Variants in SBF2 observed in about 807,000 individuals in gnomAD.
The protein encoded by SBF2 is SET binding factor 2.
SBF2 carries 112 observed loss-of-function variants against 225.2 expected under a neutral mutation model. That is an observed-to-expected ratio of 0.50 (90% CI 0.43 to 0.58). SBF2 has a LOEUF of 0.58. Ranked by LOEUF, SBF2 falls within the 20% of genes least tolerant of loss-of-function variation. The pLI, the probability that SBF2 is intolerant of heterozygous loss-of-function variation, is 0.00. For missense variants in SBF2, 1,996 were observed against 2,206.2 expected, an observed-to-expected ratio of 0.90 and a Z score of 1.91; for synonymous variants, 763 against 773.3, an observed-to-expected ratio of 0.99 and a Z score of 0.22.
intron 1 of SBF2, among the ~76,000 whole-genome samples, chr11:10,196,866 A>ATATATATATATATATATTTTT: frequency 8.1e-5 from 8 of 99,300 alleles, no homozygotes; most frequent in African/African-American, 1.6e-4. Flanking sequence ...ATATATATAT[A>ATATATATATATATATATTTTT]TTTTTTTTTT....
rs148050493 is a variant in SBF2, at chr11:10,161,507, T to C, written c.141+32395A>G. Among the ~76,000 whole-genome samples, 25 of 152,308 alleles carry C rather than the reference T, an allele frequency of 1.6e-4. No homozygotes were observed. In the East Asian group the frequency reaches 4.4e-3, roughly 27 times the overall value. ...TAAGAACTCTCCATATTGGATAATA[T>C]GGGAGAGACGGCTGGCTGTTCACCA... On this transcript the variant is annotated intron_variant, in intron 2 of 39. Transcript: ENST00000256190.
At chr11:10,106,420 A>G (rs1432227758) in intron 2 of SBF2, among the ~76,000 whole-genome samples, 2 of 152,178 alleles carry the variant, frequency 1.3e-5, no homozygotes, top group Non-Finnish European at 1.5e-5. Flanking sequence ...TGAGGTCAGG[A>G]GTTCGAGAAC....
At chr11:10,231,277 C>T (rs4553358) in intron 1 of SBF2, among the ~76,000 whole-genome samples, 60,082 of 151,934 alleles carry the variant, frequency 0.4, 12,934 homozygotes, top group Non-Finnish European at 0.48. Context: ...TACCTCGGAG[C>T]AGTTTGATCT....
At chr11:10,268,926 A>G (rs1450616081) in intron 1 of SBF2, among the ~76,000 whole-genome samples, 1 of 152,194 alleles carries the variant, frequency 6.6e-6, no homozygotes, top group Non-Finnish European at 1.5e-5. Context: ...ATCTCTCTGA[A>G]CCAGCCCCTT....
At chr11:10,151,559 AG>A (rs1955194651) in intron 2 of SBF2, among the ~76,000 whole-genome samples, 1 of 152,252 alleles carries the variant, frequency 6.6e-6, no homozygotes, top group Non-Finnish European at 1.5e-5. Flanking sequence ...TGACAAATGT[AG>A]GAAATCAGAA....
intron 16 of SBF2, among the ~76,000 whole-genome samples, chr11:9,931,031 G>C (rs1189913951): frequency 2.0e-5 from 3 of 152,266 alleles, no homozygotes; most frequent in African/African-American, 4.8e-5. Flanking sequence ...TGAACTTTGA[G>C]GTGGCAGCCT....
At chr11:10,224,546 C>G (rs75279336) in intron 1 of SBF2, among the ~76,000 whole-genome samples, 2,388 of 152,266 alleles carry the variant, frequency 0.016, 36 homozygotes, top group Middle Eastern at 0.037. Context: ...GCCTCAATGT[C>G]ACCCACTATA....
At chr11:10,067,191 C>T (rs1050172597) in intron 2 of SBF2, among the ~76,000 whole-genome samples, 2 of 152,096 alleles carry the variant, frequency 1.3e-5, no homozygotes, top group African/African-American at 4.8e-5. Context: ...TTACAAAACA[C>T]TGCTGAGGAA....
At chr11:10,006,074 A>C (rs955808411) in intron 6 of SBF2, among the ~76,000 whole-genome samples, 2 of 152,112 alleles carry the variant, frequency 1.3e-5, no homozygotes, top group Non-Finnish European at 1.5e-5. Context: ...TTTTCAACTC[A>C]AATTGGCTCT....
intron 2 of SBF2, among the ~76,000 whole-genome samples, chr11:10,067,369 G>GT (rs759714430): frequency 1.1e-4 from 16 of 151,940 alleles, no homozygotes; most frequent in African/African-American, 3.6e-4. Context: ...TTGTGTGTTT[G>GT]TTTTTTTGAG....
chr11:10,020,160 T>C (rs1177869870), intron 6 of SBF2, among the ~76,000 whole-genome samples: 2 of 152,074 alleles, frequency 1.3e-5, no homozygotes, highest in Non-Finnish European at 2.9e-5. Context: ...AAGATAGAAA[T>C]ACCTGAAATT....
intron 6 of SBF2, among the ~76,000 whole-genome samples, chr11:10,010,933 C>A (rs982170749): frequency 2.0e-5 from 3 of 152,080 alleles, no homozygotes; most frequent in Non-Finnish European, 4.4e-5. Context: ...GTTTGTAGTT[C>A]TCCTTGAAGA....
intron 34 of SBF2, among the ~76,000 whole-genome samples, chr11:9,789,715 A>C (rs1369613914): frequency 6.6e-6 from 1 of 152,094 alleles, no homozygotes; most frequent in African/African-American, 2.4e-5. Flanking sequence ...CTTAACATGA[A>C]TCATTATGTA....
At chr11:10,180,068 T>C (rs1565325622) in intron 2 of SBF2, among the ~76,000 whole-genome samples, 1 of 152,218 alleles carries the variant, frequency 6.6e-6, no homozygotes, top group Non-Finnish European at 1.5e-5. Context: ...TGTATATGTC[T>C]TGAAAAGTCC....
chr11:10,127,039 G>A (rs909777515), intron 2 of SBF2, among the ~76,000 whole-genome samples: 1 of 151,996 alleles, frequency 6.6e-6, no homozygotes, highest in Non-Finnish European at 1.5e-5. Flanking sequence ...AGGGGCAAAG[G>A]GAAATTGAGA....
At chr11:10,104,114 C>T (rs548874741) in intron 2 of SBF2, among the ~76,000 whole-genome samples, 34 of 151,854 alleles carry the variant, frequency 2.2e-4, no homozygotes, top group Non-Finnish European at 4.1e-4. Flanking sequence ...GAGAGAGTGC[C>T]ATTTCCATAA....
intron 32 of SBF2, among the ~76,000 whole-genome samples, chr11:9,804,562 G>A (rs1199111841): frequency 6.6e-6 from 1 of 152,174 alleles, no homozygotes; most frequent in Non-Finnish European, 1.5e-5. Flanking sequence ...ACAGTTTCCT[G>A]ACGCTGAAAA....
chr11:9,987,671 G>C (rs984876662), intron 13 of SBF2, among the ~76,000 whole-genome samples: 3 of 151,822 alleles, frequency 2.0e-5, no homozygotes, highest in African/African-American at 7.3e-5. Flanking sequence ...CTTTACAATA[G>C]CTGCAAAAAA....
At position 9,853,584 on chromosome 11, in the gene SBF2, C is replaced by G. The variant is rs770201190; in HGVS notation, c.2492G>C (p.Gly831Ala). The G allele has an allele frequency of 6.2e-7, 1 of 1,613,818 alleles. No individual in the cohort carries two copies. The highest frequency in any genetic ancestry group is 1.3e-5 in the African/African-American group (1 of 74,878). ...GCTCTTGATGTGATCCTGAGTAACT[C>G]CACTCTCTGTACAAACTTTGTCAAT... ...RFIDKVCTES[G>A]VTQDHIKSLH... The change falls in exon 20 of 40, where the codon GGA becomes GCA. Residue 831 changes from glycine (G) to alanine (A), a missense_variant. Transcript: ENST00000256190.
Sources: gnomAD v4.1 joint callset for allele counts (sites outside exome capture counted in the v4.1 genomes callset) on GRCh38, gnomAD v4.1.1 for gene constraint, MANE v1.5 for transcripts, NCBI Gene and HGNC (gene_info 2026-07-23, HGNC 2026-07-21) for gene names.